COL23A1: variants seen among roughly 807,000 people sequenced by gnomAD.
COL23A1 encodes the protein collagen type XXIII alpha 1 chain.
COL23A1 carries 97 observed loss-of-function variants against 99.3 expected under a neutral mutation model. The ratio of observed to expected loss-of-function variants is 0.98; its 90% CI spans 0.83 to 1.16. COL23A1 has a LOEUF of 1.16. COL23A1 is among the 50% of genes most tolerant of loss of function. The pLI is 0.00. For missense variants in COL23A1, 762 were observed against 757.4 expected, an observed-to-expected ratio of 1.01 and a Z score of -0.07; for synonymous variants, 320 against 308.2, an observed-to-expected ratio of 1.04 and a Z score of -0.40.
chr5:178,367,983 C>T (rs933064255), intron 2 of COL23A1, among the ~76,000 whole-genome samples: 6 of 152,158 alleles, frequency 3.9e-5, no homozygotes, highest in Admixed American at 6.5e-5. Context: ...CTAAGGGAGA[C>T]GTTGTGTGCA....
At chr5:178,442,853 G>GC (rs1766951109) in intron 2 of COL23A1, 1 of 152,412 alleles carries the variant, frequency 6.6e-6, no homozygotes, top group Non-Finnish European at 1.5e-5. Flanking sequence ...GGTCTGTTCT[G>GC]CCCCCCTCCC....
intron 1 of COL23A1, among the ~76,000 whole-genome samples, chr5:178,588,932 G>A (rs561314541): frequency 1.3e-5 from 2 of 152,308 alleles, no homozygotes; most frequent in African/African-American, 4.8e-5. Context: ...CGACCTTGGG[G>A]TCTGGAGCAG....
chr5:178,250,311 T>C (rs1200129157), intron 17 of COL23A1, among the ~76,000 whole-genome samples: 1 of 152,240 alleles, frequency 6.6e-6, no homozygotes. Context: ...TAAGTTGTTA[T>C]GTCACAGATT....
chr5:178,488,842 G>A (rs1198537226), intron 2 of COL23A1, among the ~76,000 whole-genome samples: 2 of 152,208 alleles, frequency 1.3e-5, no homozygotes, highest in East Asian at 3.9e-4. Flanking sequence ...GCCAGGCTTA[G>A]GAAGGAAGAG....
At chr5:178,449,880 C>T (rs1767388661) in intron 2 of COL23A1, among the ~76,000 whole-genome samples, 1 of 152,064 alleles carries the variant, frequency 6.6e-6, no homozygotes, top group African/African-American at 2.4e-5. Context: ...GTCCAAATGC[C>T]CCTTTCACCC....
chr5:178,565,633 ATTATC>A (rs1278403983), intron 1 of COL23A1, among the ~76,000 whole-genome samples: 7 of 152,118 alleles, frequency 4.6e-5, no homozygotes, highest in African/African-American at 1.4e-4. Flanking sequence ...GCCAATTGCT[ATTATC>A]TTATCTATTC....
intron 3 of COL23A1, among the ~76,000 whole-genome samples, chr5:178,292,022 G>A (rs979204022): frequency 2.0e-5 from 3 of 152,072 alleles, no homozygotes; most frequent in African/African-American, 4.8e-5. Context: ...AAAAGCTGCC[G>A]GATAGGTTCG....
intron 1 of COL23A1, among the ~76,000 whole-genome samples, chr5:178,577,154 T>G (rs1763415063): frequency 6.6e-6 from 1 of 152,136 alleles, no homozygotes. Flanking sequence ...AGCGGGTCCC[T>G]GCTCTGCCGT....
chr5:178,269,977 T>C (rs76969108), intron 6 of COL23A1, among the ~76,000 whole-genome samples: 6 of 152,356 alleles, frequency 3.9e-5, no homozygotes, highest in Non-Finnish European at 7.4e-5. Flanking sequence ...CTTGAGAACG[T>C]AGTGAGGACA....
At chr5:178,534,635 T>C (rs1760834922) in intron 2 of COL23A1, among the ~76,000 whole-genome samples, 1 of 152,062 alleles carries the variant, frequency 6.6e-6, no homozygotes, top group South Asian at 2.1e-4. Context: ...AAAAATTAGC[T>C]GGGCATAGTG....
intron 2 of COL23A1, among the ~76,000 whole-genome samples, chr5:178,546,963 A>G (rs1761615547): frequency 6.6e-6 from 1 of 152,162 alleles, no homozygotes; most frequent in African/African-American, 2.4e-5. Context: ...AGGGCAGAGA[A>G]GCCGGAGGGA....
intron 2 of COL23A1, among the ~76,000 whole-genome samples, chr5:178,424,331 T>C (rs989225712): frequency 1.3e-5 from 2 of 152,228 alleles, no homozygotes; most frequent in African/African-American, 2.4e-5. Flanking sequence ...GAATGTCGTG[T>C]GAATGTGAAA....
At chr5:178,401,184 C>T (rs958736996) in intron 2 of COL23A1, among the ~76,000 whole-genome samples, 41 of 152,158 alleles carry the variant, frequency 2.7e-4, no homozygotes, top group Admixed American at 4.6e-4. Flanking sequence ...GTCAGCATTC[C>T]CTTCCTTTTA....
chr5:178,518,165 T>C (rs890809880), intron 2 of COL23A1, among the ~76,000 whole-genome samples: 10 of 139,940 alleles, frequency 7.1e-5, no homozygotes, highest in Admixed American at 2.8e-4. Flanking sequence ...TTAATCCATT[T>C]AACCCTGAGT....
chr5:178,386,896 G>C (rs1763706316), intron 2 of COL23A1, among the ~76,000 whole-genome samples: 1 of 152,152 alleles, frequency 6.6e-6, no homozygotes. Context: ...CTGATCGGAT[G>C]CCTGGTAACT....
In COL23A1 at chr5:178,468,642, G is replaced by C. The variant is rs993979652; in HGVS notation, c.361+92040C>G. On this transcript the variant is annotated intron_variant, in intron 2 of 28. Transcript: ENST00000390654. This position sits in a 1 kb window ranked among gnomAD's most constrained non-coding sequence, Gnocchi z 4.2. Reference sequence around the variant, plus strand: ...CCCAGGCAGCCTGGAGGGAAGGGCCGGGTCCGAGGTCACGGAGCCTGCAGC... The same window carrying C: ...CCCAGGCAGCCTGGAGGGAAGGGCCCGGTCCGAGGTCACGGAGCCTGCAGC... Among the ~76,000 whole-genome samples, 4 of 152,158 alleles carry C rather than the reference G, an allele frequency of 2.6e-5. No homozygotes were observed. The highest frequency in any genetic ancestry group is 2.6e-4 in the Admixed American group (4 of 15,270).
At chr5:178,246,787 A>C (rs1045072639) in intron 22 of COL23A1, among the ~76,000 whole-genome samples, 29 of 152,140 alleles carry the variant, frequency 1.9e-4, no homozygotes, top group African/African-American at 7.0e-4. Flanking sequence ...GGTCCCCATC[A>C]GGCTTCTACG....
chr5:178,495,472 T>C (rs542792238), intron 2 of COL23A1, among the ~76,000 whole-genome samples: 22 of 152,290 alleles, frequency 1.4e-4, no homozygotes, highest in Middle Eastern at 3.4e-3. Flanking sequence ...AATGAATGAA[T>C]GTAAGAACAT....
intron 2 of COL23A1, among the ~76,000 whole-genome samples, chr5:178,518,869 C>A (rs1352863639): frequency 4.7e-5 from 7 of 149,126 alleles, no homozygotes; most frequent in Non-Finnish European, 1.0e-4. Flanking sequence ...CTCGCCGGCG[C>A]GGCGGCAAAG....
Sources: gnomAD v4.1 joint callset for allele counts (sites outside exome capture counted in the v4.1 genomes callset) on GRCh38, gnomAD v4.1.1 for gene constraint, Gnocchi (gnomAD v3.1) non-coding constraint, MANE v1.5 for transcripts, NCBI Gene and HGNC (gene_info 2026-07-23, HGNC 2026-07-21) for gene names.